KCNIP4: variants seen among roughly 807,000 people sequenced by gnomAD.
KCNIP4 encodes the protein Kv channel-interacting protein 4.
Under a neutral mutation model 34.0 loss-of-function variants are expected in KCNIP4, and 12 were observed. The observed-to-expected ratio is 0.35, with a 90% CI of 0.23 to 0.57. The LOEUF is 0.57. Among genes scored for constraint, KCNIP4 ranks in the 20% least tolerant of loss-of-function variants. The pLI, the probability that KCNIP4 is intolerant of heterozygous loss-of-function variation, is 0.83. For missense variants in KCNIP4, 238 were observed against 311.7 expected (o/e 0.76, Z 1.78); for synonymous variants, 124 against 102.2 (o/e 1.21, Z -1.29).
intron 1 of KCNIP4, among the ~76,000 whole-genome samples, chr4:21,518,247 G>C (rs1734929489): frequency 6.6e-6 from 1 of 152,194 alleles, no homozygotes; most frequent in Non-Finnish European, 1.5e-5. Context: ...TCCATAGACA[G>C]ACACAGTAAG....
chr4:21,225,763 C>A (rs79996458), intron 1 of KCNIP4, among the ~76,000 whole-genome samples: 4,300 of 152,114 alleles, frequency 0.028, 69 homozygotes, highest in Middle Eastern at 0.044. Flanking sequence ...TGGAGCCAGA[C>A]TGGGGAAAAC....
At chr4:21,201,304 G>C (rs954661643) in intron 1 of KCNIP4, among the ~76,000 whole-genome samples, 4 of 152,158 alleles carry the variant, frequency 2.6e-5, no homozygotes, top group African/African-American at 9.7e-5. Flanking sequence ...GACATGCTTT[G>C]AGAACATTCA....
intron 3 of KCNIP4, among the ~76,000 whole-genome samples, chr4:20,771,795 T>A (rs28581620): frequency 0.38 from 58,107 of 151,800 alleles, 11,987 homozygotes; most frequent in Admixed American, 0.5. Context: ...TTGGCCTTCC[T>A]AGTAGCTGGG....
At chr4:21,693,935 G>A (rs1013815120) in intron 1 of KCNIP4, among the ~76,000 whole-genome samples, 2 of 152,056 alleles carry the variant, frequency 1.3e-5, no homozygotes, top group African/African-American at 4.8e-5. Context: ...CAGAGCTCCA[G>A]GCAATATTCA....
intron 1 of KCNIP4, among the ~76,000 whole-genome samples, chr4:21,568,102 G>A (rs1740059333): frequency 6.6e-6 from 1 of 152,118 alleles, no homozygotes; most frequent in South Asian, 2.1e-4. Flanking sequence ...GTTTTGAGGG[G>A]GAGGATAAAT....
Position 21,104,415 on chromosome 4 carries a change from T to C in KCNIP4, c.62-221706A>G, listed in dbSNP as rs183732534. On this transcript the variant is annotated intron_variant, in intron 1 of 8. Coordinates refer to ENST00000382152, the MANE Select transcript of KCNIP4 (RefSeq NM_025221.6). ...TTCTTTTGAGAAGTGTCTGTTCATA[T>C]CCTTCATCCACTTTTTGATGGGGTT... is the stretch of plus-strand genomic sequence containing the variant. Among the ~76,000 whole-genome samples the C allele has an allele frequency of 5.1e-3, 773 of 152,348 alleles. 7 individuals carry two copies. Among genetic ancestry groups the C allele is most frequent in the African/African-American group, 0.017 (703 of 41,572 alleles).
At chr4:20,890,335 A>G (rs577122418) in intron 1 of KCNIP4, among the ~76,000 whole-genome samples, 1 of 152,296 alleles carries the variant, frequency 6.6e-6, no homozygotes, top group South Asian at 2.1e-4. Context: ...GTTGGTGGAT[A>G]TGGATATGGG....
At chr4:21,685,712 T>A (rs2109032268) in intron 1 of KCNIP4, among the ~76,000 whole-genome samples, 1 of 152,362 alleles carries the variant, frequency 6.6e-6, no homozygotes, top group East Asian at 1.9e-4. Flanking sequence ...AAGAATATAT[T>A]CTGACACAAA....
chr4:21,592,854 G>A (rs1046293025), intron 1 of KCNIP4, among the ~76,000 whole-genome samples: 4 of 152,034 alleles, frequency 2.6e-5, no homozygotes, highest in Non-Finnish European at 5.9e-5. Context: ...TGTTTGAAGC[G>A]AGAAAGGAAG....
intron 1 of KCNIP4, among the ~76,000 whole-genome samples, chr4:21,500,822 G>A (rs992353051): frequency 2.0e-5 from 3 of 152,012 alleles, no homozygotes; most frequent in Non-Finnish European, 2.9e-5. Flanking sequence ...TTAAATTTTC[G>A]ACTATGGGAA....
chr4:21,677,199 T>C (rs1749982277), intron 1 of KCNIP4, among the ~76,000 whole-genome samples: 1 of 152,194 alleles, frequency 6.6e-6, no homozygotes, highest in Non-Finnish European at 1.5e-5. Flanking sequence ...ACTGACAGTC[T>C]TCTTTTGAGT....
chr4:20,826,596 A>T (rs965011867), intron 3 of KCNIP4, among the ~76,000 whole-genome samples: 2 of 141,310 alleles, frequency 1.4e-5, no homozygotes, highest in Non-Finnish European at 3.1e-5. Flanking sequence ...CTCAAAACAA[A>T]CAAACAAACA....
intron 1 of KCNIP4, among the ~76,000 whole-genome samples, chr4:21,296,349 A>G (rs1422681219): frequency 6.6e-6 from 1 of 151,456 alleles, no homozygotes; most frequent in Non-Finnish European, 1.5e-5. Context: ...TCACTTGTTT[A>G]CCAAGCAATG....
At chr4:20,936,877 A>T (rs6447999) in intron 1 of KCNIP4, among the ~76,000 whole-genome samples, 123,657 of 152,146 alleles carry the variant, frequency 0.81, 50,406 homozygotes, top group African/African-American at 0.85. Context: ...CAGGTTGCAA[A>T]ATGAATAATA....
chr4:21,474,529 C>A (rs979022943), intron 1 of KCNIP4, among the ~76,000 whole-genome samples: 1 of 152,150 alleles, frequency 6.6e-6, no homozygotes, highest in Non-Finnish European at 1.5e-5. Flanking sequence ...AGTCTCCCTA[C>A]TCTCCCTTCC....
intron 2 of KCNIP4, among the ~76,000 whole-genome samples, chr4:20,874,621 A>G (rs116229107): frequency 0.011 from 1,691 of 152,164 alleles, 21 homozygotes; most frequent in African/African-American, 0.039. Flanking sequence ...CCAGGAAAAA[A>G]AACCCGCAAT....
intron 1 of KCNIP4, among the ~76,000 whole-genome samples, chr4:21,114,959 TAAAAC>T (rs1749564441): frequency 6.6e-6 from 1 of 152,152 alleles, no homozygotes; most frequent in Non-Finnish European, 1.5e-5. Flanking sequence ...GACTCAAAAA[TAAAAC>T]AAAACTTAAG....
intron 1 of KCNIP4, among the ~76,000 whole-genome samples, chr4:21,033,222 T>C (rs1427606677): frequency 6.6e-6 from 1 of 152,208 alleles, no homozygotes; most frequent in Admixed American, 6.5e-5. Flanking sequence ...CTCATCCCTG[T>C]CTATCTTCCT....
At chr4:21,813,206 A>G (rs1298172319) in intron 1 of KCNIP4, among the ~76,000 whole-genome samples, 2 of 152,216 alleles carry the variant, frequency 1.3e-5, no homozygotes, top group Admixed American at 1.3e-4. Flanking sequence ...CACCTCTGCA[A>G]CAAATCCAAG....
Sources: allele counts gnomAD v4.1 joint callset (sites outside exome capture counted in the v4.1 genomes callset), GRCh38; gene constraint gnomAD v4.1.1; transcripts MANE v1.5; gene names NCBI Gene and HGNC (gene_info 2026-07-23, HGNC 2026-07-21).